The following KDM5A variants were observed in gnomAD, a reference collection of about 807,000 sequenced individuals.
KDM5A encodes lysine-specific demethylase 5A.
KDM5A carries 42 observed loss-of-function variants against 193.5 expected under a neutral mutation model. The observed-to-expected ratio is 0.22, with a 90% CI of 0.17 to 0.28. The LOEUF is 0.28. Among genes scored for constraint, KDM5A ranks in the 10% least tolerant of loss-of-function variants. KDM5A has a pLI of 1.00. For synonymous variants in KDM5A, 796 were observed against 718.1 expected (o/e 1.11, Z -1.73); for missense variants, 1,692 against 2,055.1 (o/e 0.82, Z 3.42).
intron 19 of KDM5A, among the ~76,000 whole-genome samples, chr12:313,712 C>G (rs974730712): frequency 6.6e-6 from 1 of 152,164 alleles, no homozygotes; most frequent in Non-Finnish European, 1.5e-5. Flanking sequence ...TAGACCTTAT[C>G]CTCAATGAAT....
rs1943381585 is a variant in KDM5A at position 296,988 on chromosome 12, T to C, written c.4234+53A>G. ...CACAGTCTTGATTAACATAATGCTT[T>C]TTCTCATTGGTTTTCTGCTTATGTT... On this transcript the variant is annotated intron_variant, in intron 25 of 27. Coordinates refer to ENST00000399788, the MANE Select transcript of KDM5A (RefSeq NM_001042603.3). 4 of 1,570,018 alleles carry C rather than the reference T, an allele frequency of 2.5e-6. No individual in the cohort carries two copies. In the Middle Eastern group the frequency reaches 5.1e-4, roughly 201 times the overall value.
chr12:337,352 G>C (rs1222943445), intron 10 of KDM5A, among the ~76,000 whole-genome samples: 1 of 152,196 alleles, frequency 6.6e-6, no homozygotes, highest in East Asian at 1.9e-4. Flanking sequence ...TCACAGCAAG[G>C]AAGAAATTGT....
Position 303,608 on chromosome 12 carries a change from C to A in KDM5A, c.4074+3338G>T, listed in dbSNP as rs144460459. On this transcript the variant is annotated intron_variant, in intron 24 of 27. Transcript: ENST00000399788. ...CCATGGCACGTGTATACCTATGTAG[C>A]AAACCTGTACGTTCTGCACATGTAC... Among the ~76,000 whole-genome samples the A allele has an allele frequency of 7.6e-3, 1,153 of 152,046 alleles. 15 individuals carry two copies. The highest frequency in any genetic ancestry group is 0.013 in the Admixed American group (204 of 15,276).
intron 8 of KDM5A, among the ~76,000 whole-genome samples, chr12:353,366 T>C (rs1944187045): frequency 6.6e-6 from 1 of 152,108 alleles, no homozygotes; most frequent in Non-Finnish European, 1.5e-5. Context: ...AAATAAAAGA[T>C]ACCGTCAGTT....
intron 3 of KDM5A, among the ~76,000 whole-genome samples, chr12:366,914 G>A (rs1316922061): frequency 6.6e-6 from 1 of 152,088 alleles, no homozygotes; most frequent in African/African-American, 2.4e-5. Flanking sequence ...TATTCTTACT[G>A]AACCTTTGTG....
At position 295,745 on chromosome 12, in the gene KDM5A, C is replaced by T. The variant is rs1943362366; in HGVS notation, c.4283G>A (p.Arg1428Gln). ...KQPRKSPLVP[R>Q]SLEPPVLELS... is the part of the protein sequence containing the mutation. ...CTCCAGCACTGGAGGTTCCAAACTT[C>T]GGGGCACCAAAGGGCTCTTCCGAGG... Residue 1428 changes from arginine to glutamine, a missense_variant, in exon 26 of 28, where the codon CGA becomes CAA. By Grantham distance (43) the Arg-to-Gln change is conservative. Around this residue, in one of 11 missense-constraint regions of KDM5A, gnomAD observed 965 missense variants for 1,061.0 expected, o/e 0.91. Coordinates refer to ENST00000399788, the MANE Select transcript of KDM5A (RefSeq NM_001042603.3). 4.3e-6 allele frequency: 7 copies of T among 1,613,864 alleles called. No individual in the cohort carries two copies. Among genetic ancestry groups the T allele is most frequent in the Non-Finnish European group, 5.9e-6 (7 of 1,179,990 alleles).
At position 282,299 on chromosome 12, in the gene KDM5A, T is replaced by C. The variant is rs575739192; in HGVS notation, c.*3157A>G. 1.3e-5 allele frequency: 3 copies of C among 233,430 alleles called. No homozygotes were observed. Among genetic ancestry groups the C allele is most frequent in the Admixed American group, 5.6e-5 (1 of 17,794 alleles). The allele number at this position is 233,430 out of a possible 1,614,324, so 14.5% of individuals were successfully genotyped here. A position where few individuals can be genotyped will look rare whatever the true frequency, so the allele number is the denominator to read the frequency against. ...TGCACTCTACTGCACCTGGCTGCCA[T>C]GTTTTTTATTATTAAAGTACATTAT... On this transcript the variant is annotated 3_prime_UTR_variant, in exon 28 of 28. Coordinates refer to ENST00000399788, the MANE Select transcript of KDM5A (RefSeq NM_001042603.3).
intron 5 of KDM5A, among the ~76,000 whole-genome samples, chr12:357,854 A>AAAAAAAAGCCCTTTT (rs1944246364): frequency 1.4e-5 from 2 of 147,400 alleles, no homozygotes; most frequent in Non-Finnish European, 3.0e-5. Context: ...AAAAAAAAAA[A>AAAAAAAAGCCCTTTT]GCCCTTTTGC....
intron 10 of KDM5A, among the ~76,000 whole-genome samples, chr12:342,675 T>C (rs1944021122): frequency 6.6e-6 from 1 of 151,756 alleles, no homozygotes; most frequent in African/African-American, 2.4e-5. Flanking sequence ...TTGGCCAGCC[T>C]GGTCTCTAAC....
intron 3 of KDM5A, among the ~76,000 whole-genome samples, chr12:379,693 T>G (rs886831612): frequency 6.6e-6 from 1 of 152,200 alleles, no homozygotes; most frequent in Admixed American, 6.5e-5. Context: ...GGGAAAGAGA[T>G]GTCCATGAGG....
intron 3 of KDM5A, among the ~76,000 whole-genome samples, chr12:377,066 T>C (rs539184403): frequency 6.6e-6 from 1 of 151,200 alleles, no homozygotes; most frequent in East Asian, 1.9e-4. Flanking sequence ...GTAGCAGCAG[T>C]ACCTCTAAAA....
At chr12:298,384 C>T (rs1345937887) in intron 24 of KDM5A, among the ~76,000 whole-genome samples, 2 of 152,242 alleles carry the variant, frequency 1.3e-5, no homozygotes, top group Non-Finnish European at 2.9e-5. Context: ...GCAGCCTCTG[C>T]TGGCGATACC....
At chr12:328,800 G>T in intron 14 of KDM5A, 35 bp downstream of exon 14, 1 of 1,592,062 alleles carries the variant, frequency 6.3e-7, no homozygotes, top group East Asian at 2.2e-5. Flanking sequence ...CCCATAAGCA[G>T]TATCAAACAT....
At chr12:339,875 ATTT>A (rs202004318) in intron 10 of KDM5A, among the ~76,000 whole-genome samples, 7 of 140,788 alleles carry the variant, frequency 5.0e-5, no homozygotes, top group Non-Finnish European at 4.6e-5. Flanking sequence ...AAGAAGTCTG[ATTT>A]TTTTTTTTTT....
intron 22 of KDM5A, among the ~76,000 whole-genome samples, chr12:308,839 C>G (rs1017838716): frequency 2.0e-5 from 3 of 152,164 alleles, no homozygotes; most frequent in Non-Finnish European, 2.9e-5. Context: ...TGTCCAGATT[C>G]GTATTTATTT....
Position 297,049 on chromosome 12 carries a change from C to CAACTCTTAG in KDM5A, c.4217_4225dup (p.Ser1406_Ser1408dup). 6.2e-7 allele frequency: 1 copy of CAACTCTTAG among 1,613,790 alleles called. No individual in the cohort carries two copies. The highest frequency in any genetic ancestry group is 1.1e-5 in the South Asian group (1 of 91,064). Reference sequence around the variant, plus strand: ...TTTTAAAGGAGTAATACCTTGAGAACAACTCTTAGAAGCAGAAGAATAAGC... The same window carrying CAACTCTTAG: ...TTTTAAAGGAGTAATACCTTGAGAACAACTCTTAGAACTCTTAGAAGCAGAAGAATAAGC... On this transcript the variant is annotated inframe_insertion, in exon 25 of 28. Coordinates refer to ENST00000399788, the MANE Select transcript of KDM5A (RefSeq NM_001042603.3).
In KDM5A at chr12:333,544, A is replaced by G; in HGVS notation, c.1596T>C (p.Leu532=). The G allele has an allele frequency of 6.2e-7, 1 of 1,614,242 alleles. No homozygotes were observed. The highest frequency in any genetic ancestry group is 8.5e-7 in the Non-Finnish European group (1 of 1,180,044). The change falls in exon 12 of 28, where the codon CTT becomes CTC. Residue 532 remains leucine, a synonymous_variant. Transcript: ENST00000399788. ...APELFESQPD[L]LHQLVTIMNP... ...TCATGATGGTAACTAACTGATGCAG[A>G]AGATCAGGCTGGGATTCAAATAACT...
chr12:320,317 G>A (rs1038515099), intron 18 of KDM5A, among the ~76,000 whole-genome samples: 1 of 152,042 alleles, frequency 6.6e-6, no homozygotes, highest in Non-Finnish European at 1.5e-5. Context: ...CTAACATGGC[G>A]AAAACCCACC....
At chr12:350,880 T>G in intron 9 of KDM5A, 101 bp from the exon 10 acceptor site, 1 of 1,027,464 alleles carries the variant, frequency 9.7e-7, no homozygotes, top group Non-Finnish European at 1.5e-6. Context: ...CATGATGAGA[T>G]TAAAAATCTT....
Sources: allele counts gnomAD v4.1 joint callset (sites outside exome capture counted in the v4.1 genomes callset), GRCh38; gene constraint gnomAD v4.1.1; regional missense constraint gnomAD v4.1.1; transcripts MANE v1.5; gene names NCBI Gene and HGNC (gene_info 2026-07-23, HGNC 2026-07-21).